NUP160: variants seen among roughly 807,000 people sequenced by gnomAD.
The protein encoded by NUP160 is nucleoporin 160.
NUP160 carries 94 observed loss-of-function variants against 196.9 expected under a neutral mutation model. The ratio of observed to expected loss-of-function variants is 0.48; its 90% CI spans 0.40 to 0.57. The LOEUF is 0.57. Ranked by LOEUF, NUP160 falls within the 20% of genes least tolerant of loss-of-function variation. NUP160 has a pLI of 0.00. For missense variants in NUP160, 1,638 were observed against 1,748.3 expected, an observed-to-expected ratio of 0.94 and a Z score of 1.13; for synonymous variants, 605 against 619.7, an observed-to-expected ratio of 0.98 and a Z score of 0.35.
intron 7 of NUP160, among the ~76,000 whole-genome samples, chr11:47,823,101 G>A (rs962097831): frequency 6.6e-6 from 1 of 152,066 alleles, no homozygotes; most frequent in Non-Finnish European, 1.5e-5. Context: ...GGGATGGCTG[G>A]GTCAAATGGT....
intron 4 of NUP160, among the ~76,000 whole-genome samples, chr11:47,839,003 C>CA (rs147260240): frequency 0.41 from 49,949 of 120,556 alleles, 9,773 homozygotes; most frequent in South Asian, 0.56. Context: ...AATCCCATCT[C>CA]AAAAAAAAAA....
At chr11:47,827,801 A>T (rs575019253) in intron 7 of NUP160, among the ~76,000 whole-genome samples, 8 of 152,318 alleles carry the variant, frequency 5.3e-5, no homozygotes, top group South Asian at 4.1e-4. Flanking sequence ...CTCCAAAAAA[A>T]TTTTTAAAAA....
rs901003172 is a variant in NUP160 at position 47,843,315 on chromosome 11, C to A, written c.315-2727G>T. Among the ~76,000 whole-genome samples, 11 of 152,178 alleles carry A rather than the reference C, an allele frequency of 7.2e-5. No individual in the cohort carries two copies. In the East Asian group the frequency reaches 1.5e-3, roughly 21 times the overall value. On this transcript the variant is annotated intron_variant, in intron 2 of 35. Coordinates refer to ENST00000378460, the Ensembl canonical transcript of NUP160. Reference sequence around the variant, plus strand: ...CAATTCCTGACCAGGTCATCAATGACCTCCATGATCCAAAGGCCAATTTTC... The same window carrying A: ...CAATTCCTGACCAGGTCATCAATGAACTCCATGATCCAAAGGCCAATTTTC...
exon 17 of NUP160, chr11:47,812,075 G>A: frequency 1.2e-6 from 2 of 1,614,004 alleles, no homozygotes; most frequent in South Asian, 2.2e-5. Context: ...GCATCTCCAA[G>A]CCTCATTAAC....
intron 4 of NUP160, among the ~76,000 whole-genome samples, chr11:47,837,916 G>C (rs1377838255): frequency 6.6e-6 from 1 of 152,156 alleles, no homozygotes; most frequent in African/African-American, 2.4e-5. Context: ...CAATCACTAG[G>C]TACCTTTCAT....
At chr11:47,787,533 G>A (rs867033995) in intron 31 of NUP160, among the ~76,000 whole-genome samples, 4 of 145,234 alleles carry the variant, frequency 2.8e-5, no homozygotes, top group African/African-American at 1.0e-4. Context: ...AAGTTCAAGA[G>A]ATTCTTGTGC....
At chr11:47,802,000 C>G in intron 22 of NUP160, 70 bp from the exon 23 acceptor site, 1 of 1,511,496 alleles carries the variant, frequency 6.6e-7, no homozygotes, top group Non-Finnish European at 9.1e-7. Context: ...ATCAGGGGTT[C>G]ACATGTAAGG....
chr11:47,795,784 A>G (rs1370067233), intron 27 of NUP160, among the ~76,000 whole-genome samples: 2 of 152,166 alleles, frequency 1.3e-5, no homozygotes, highest in African/African-American at 4.8e-5. Flanking sequence ...AAAGGAGCCT[A>G]AAGACATCGC....
intron 7 of NUP160, among the ~76,000 whole-genome samples, chr11:47,832,690 G>A (rs1852101426): frequency 6.6e-6 from 1 of 152,170 alleles, no homozygotes; most frequent in Non-Finnish European, 1.5e-5. Context: ...AATTTTCAGG[G>A]GGGCTGATCT....
Position 47,798,354 on chromosome 11 carries a change from C to T in NUP160, c.2991+14G>A. On this transcript the variant is annotated intron_variant, in intron 24 of 35. Transcript: ENST00000378460. The stretch of plus-strand genomic sequence containing the variant: ...AACCTTAAAGAAAACAACCAAATTG[C>T]AGCCAATTCTTACCTGACTTTTCCA... 6.3e-7 allele frequency: 1 copy of T among 1,584,792 alleles called. No individual in the cohort carries two copies. Among genetic ancestry groups the T allele is most frequent in the Non-Finnish European group, 8.7e-7 (1 of 1,153,968 alleles).
chr11:47,845,481 G>A (rs1852383669), intron 2 of NUP160, among the ~76,000 whole-genome samples: 1 of 152,054 alleles, frequency 6.6e-6, no homozygotes, highest in Non-Finnish European at 1.5e-5. Context: ...TATGCACTGC[G>A]GACTTGCCCT....
Position 47,798,356 on chromosome 11 carries a change from G to T in NUP160, c.2991+12C>A. 1 of 1,587,658 alleles carries T rather than the reference G, an allele frequency of 6.3e-7. No homozygotes were observed. Among genetic ancestry groups the T allele is most frequent in the Non-Finnish European group, 8.6e-7 (1 of 1,156,692 alleles). ...CCTTAAAGAAAACAACCAAATTGCA[G>T]CCAATTCTTACCTGACTTTTCCAGT... is the stretch of plus-strand genomic sequence containing the variant. On this transcript the variant is annotated intron_variant, in intron 24 of 35. Transcript: ENST00000378460.
chr11:47,812,352 C>T lies in NUP160; in HGVS notation c.2030G>A (p.Arg677Gln), dbSNP rs147299794. 6.8e-6 allele frequency: 11 copies of T among 1,613,854 alleles called. No individual in the cohort carries two copies. The highest frequency in any genetic ancestry group is 6.7e-5 in the East Asian group (3 of 44,868). Reference sequence around the variant, plus strand: ...CACTTCTGTTTCATAATCCATTTCCCGTATAAGTAGTCCAATTGCATGGAT... The same window carrying T: ...CACTTCTGTTTCATAATCCATTTCCTGTATAAGTAGTCCAATTGCATGGAT... The change falls in exon 16 of 36, where the codon CGG (arginine) becomes CAG (glutamine). Residue 677 changes from arginine (R) to glutamine (Q), a missense_variant. Around this residue, in one of 3 missense-constraint regions of NUP160, gnomAD observed 1,345 missense variants for 1,470.2 expected, o/e 0.91. Coordinates refer to ENST00000378460, the Ensembl canonical transcript of NUP160.
chr11:47,792,821 A>T (rs776151828), exon 28 of NUP160: 16 of 1,614,044 alleles, frequency 9.9e-6, no homozygotes, highest in African/African-American at 1.3e-5. Flanking sequence ...ATCCACGCAT[A>T]TTCTGGACGA....
Position 47,788,630 on chromosome 11 carries a change from T to C in NUP160, c.3512-19A>G. The C allele has an allele frequency of 6.7e-7, 1 of 1,502,396 alleles. No homozygotes were observed. Among genetic ancestry groups the C allele is most frequent in the South Asian group, 1.1e-5 (1 of 88,364 alleles). 93.1% of individuals were successfully genotyped at this position (1,502,396 alleles called of 1,614,324 possible). ...CGATTTGCTATACATCAAAGAAAAA[T>C]ATTTTGAACTCCCAAAATACAAAGA... On this transcript the variant is annotated intron_variant, in intron 29 of 35. Coordinates refer to ENST00000378460, the Ensembl canonical transcript of NUP160.
chr11:47,833,676 T>C (rs544759048), intron 7 of NUP160, among the ~76,000 whole-genome samples: 1 of 152,234 alleles, frequency 6.6e-6, no homozygotes, highest in African/African-American at 2.4e-5. Flanking sequence ...AGGGTTAACA[T>C]AGCAGGCCTG....
At chr11:47,806,972 G>C (rs1440378128) in intron 19 of NUP160, 98 bp downstream of exon 19, 1 of 840,298 alleles carries the variant, frequency 1.2e-6, no homozygotes, top group Non-Finnish European at 2.0e-6. Flanking sequence ...AAAGAGCCTA[G>C]CCAACCTTTC....
chr11:47,786,635 G>C (rs1026039375), intron 31 of NUP160, 81 bp from the exon 32 acceptor site: 1 of 833,558 alleles, frequency 1.2e-6, no homozygotes, highest in African/African-American at 1.7e-5. Flanking sequence ...TAGAGAGATA[G>C]ATGACAACTT....
At chr11:47,836,798 T>C (rs1273224625) in intron 6 of NUP160, 89 bp downstream of exon 6, 2 of 762,158 alleles carry the variant, frequency 2.6e-6, no homozygotes, top group African/African-American at 1.7e-5. Flanking sequence ...ATTGATCTAA[T>C]AATCTTTAGA....
Sources: allele counts gnomAD v4.1 joint callset (sites outside exome capture counted in the v4.1 genomes callset), GRCh38; gene constraint gnomAD v4.1.1; regional missense constraint gnomAD v4.1.1; transcripts MANE v1.5; gene names NCBI Gene and HGNC (gene_info 2026-07-23, HGNC 2026-07-21).